Variants in PHF14 observed in about 807,000 individuals in gnomAD.
PHF14 encodes the protein PHD finger protein 14.
PHF14 carries 55 observed loss-of-function variants against 117.9 expected under a neutral mutation model. That is an observed-to-expected ratio of 0.47 (90% CI 0.38 to 0.58). The LOEUF (loss-of-function observed/expected upper bound fraction) is 0.58, where lower values mean the gene tolerates loss of function less well. Among genes scored for constraint, PHF14 ranks in the 20% least tolerant of loss-of-function variants. The pLI is 0.00. For missense variants in PHF14, 978 were observed against 1,122.2 expected (o/e 0.87, Z 1.84); for synonymous variants, 409 against 368.6 (o/e 1.11, Z -1.26).
At chr7:11,093,766 T>G (rs1786737634) in intron 16 of PHF14, among the ~76,000 whole-genome samples, 1 of 152,132 alleles carries the variant, frequency 6.6e-6, no homozygotes. Context: ...CCTTTTTCAT[T>G]GTTCTCTGCC....
intron 17 of PHF14, among the ~76,000 whole-genome samples, chr7:11,160,106 C>A (rs1438594460): frequency 6.6e-6 from 1 of 152,040 alleles, no homozygotes; most frequent in African/African-American, 2.4e-5. Context: ...TCTATTATTG[C>A]CATCTTCATG....
At chr7:11,133,358 A>G (rs1051462204) in intron 17 of PHF14, among the ~76,000 whole-genome samples, 11 of 151,990 alleles carry the variant, frequency 7.2e-5, no homozygotes, top group African/African-American at 2.2e-4. Flanking sequence ...CAAATAGGTC[A>G]ATGAAACAGA....
chr7:11,103,558 G>C, intron 16 of PHF14: 1 of 984,906 alleles, frequency 1.0e-6, no homozygotes, highest in Non-Finnish European at 1.2e-6. Context: ...AACTGATTTA[G>C]AAGAGACTCT....
intron 17 of PHF14, among the ~76,000 whole-genome samples, chr7:11,138,342 GA>G (rs1456856128): frequency 6.6e-6 from 1 of 151,496 alleles, no homozygotes; most frequent in Non-Finnish European, 1.5e-5. Context: ...CGCCTGGCCG[GA>G]AAAATATTTC....
At chr7:11,108,732 T>G (rs181285626) in intron 16 of PHF14, 111 of 151,852 alleles carry the variant, frequency 7.3e-4, no homozygotes, top group African/African-American at 2.6e-3. Flanking sequence ...CAGCAACAGA[T>G]TGGAACTGTG....
At chr7:11,061,632 G>C (rs758964766) in intron 14 of PHF14, 159 bp from the exon 15 acceptor site, 2 of 427,370 alleles carry the variant, frequency 4.7e-6, no homozygotes, top group Non-Finnish European at 8.3e-6. Flanking sequence ...TGGTAACAAA[G>C]TGCAGTAGTC....
In PHF14 at chr7:11,014,323, G is replaced by A. The variant is rs906272633; in HGVS notation, c.1205+417G>A. 2.0e-5 allele frequency among the ~76,000 whole-genome samples: 3 copies of A among 152,072 alleles called. No individual in the cohort carries two copies. The East Asian group carries it at 5.8e-4, about 29-fold the overall frequency. On this transcript the variant is annotated intron_variant, in intron 5 of 17. Transcript: ENST00000634607. ...ATACAGTGATTTAAAAAGAAGTTTA[G>A]TATAAAGAATTTTTAAGCTGTGATA...
intron 3 of PHF14, among the ~76,000 whole-genome samples, chr7:10,988,093 A>AT (rs2128309432): frequency 6.6e-6 from 1 of 151,692 alleles, no homozygotes; most frequent in African/African-American, 2.4e-5. Context: ...TGTTACTTAG[A>AT]TTTTCCAGTT....
chr7:11,101,639 A>G (rs924596221), intron 16 of PHF14, among the ~76,000 whole-genome samples: 28 of 151,904 alleles, frequency 1.8e-4, no homozygotes, highest in African/African-American at 6.8e-4. Context: ...TCAGTTTGGC[A>G]TGATAGCTCT....
chr7:11,147,739 C>G (rs189974985), intron 17 of PHF14, among the ~76,000 whole-genome samples: 118 of 152,214 alleles, frequency 7.8e-4, no homozygotes, highest in Non-Finnish European at 1.4e-3. Context: ...GTCATTGTGT[C>G]CCTTCTCTAT....
Position 11,169,272 on chromosome 7 carries a change from T to C in PHF14, c.2773-144T>C, listed in dbSNP as rs1789297334. 5 of 461,524 alleles carry C rather than the reference T, an allele frequency of 1.1e-5. No homozygotes were observed. The South Asian group carries it at 2.2e-4, about 20-fold the overall frequency. 28.6% of individuals were successfully genotyped at this position (461,524 alleles called of 1,614,324 possible). On this transcript the variant is annotated intron_variant, in intron 17 of 17. Transcript: ENST00000634607. ...ACAGCACCTATTGCAAATATTTAAA[T>C]GTTACATAATTTTACCATTTGTGTT...
At chr7:11,091,020 A>G (rs539450654) in intron 16 of PHF14, among the ~76,000 whole-genome samples, 1 of 152,322 alleles carries the variant, frequency 6.6e-6, no homozygotes, top group African/African-American at 2.4e-5. Context: ...AGTGCAAGCT[A>G]ATGATGTTAA....
At chr7:11,070,768 T>C (rs1421979701) in intron 16 of PHF14, among the ~76,000 whole-genome samples, 1 of 152,236 alleles carries the variant, frequency 6.6e-6, no homozygotes, top group Admixed American at 6.5e-5. Context: ...CATTTATTTC[T>C]AATGACCGTG....
chr7:11,109,098 C>T (rs4534044), intron 16 of PHF14: 1 of 151,426 alleles, frequency 6.6e-6, no homozygotes, highest in African/African-American at 2.4e-5. Context: ...AACTCAGTAG[C>T]AATTATCATT....
intron 4 of PHF14, 43 bp from the exon 5 acceptor site, chr7:11,013,704 C>T (rs1406025134): frequency 8.7e-7 from 1 of 1,148,454 alleles, no homozygotes; most frequent in Non-Finnish European, 1.2e-6. Flanking sequence ...GTGACTTTAA[C>T]AAAATAAACC....
chr7:11,105,068 C>T, intron 16 of PHF14: 1 of 916,840 alleles, frequency 1.1e-6, no homozygotes. Context: ...GGAAACAGCA[C>T]TATTTTAGAT....
chr7:11,111,743 A>G (rs1787454318), intron 17 of PHF14, among the ~76,000 whole-genome samples: 1 of 152,080 alleles, frequency 6.6e-6, no homozygotes, highest in East Asian at 1.9e-4. Context: ...GAAAGCCCAA[A>G]CAGATCACTC....
At chr7:10,986,533 C>G (rs1271783571) in intron 3 of PHF14, among the ~76,000 whole-genome samples, 1 of 152,192 alleles carries the variant, frequency 6.6e-6, no homozygotes, top group Non-Finnish European at 1.5e-5. Flanking sequence ...CTGGACCACA[C>G]CTTGAGAACT....
At chr7:11,155,437 G>A (rs1158965934) in intron 17 of PHF14, among the ~76,000 whole-genome samples, 1 of 152,146 alleles carries the variant, frequency 6.6e-6, no homozygotes, top group African/African-American at 2.4e-5. Flanking sequence ...ACCTTTCTGT[G>A]TTATTTTCCA....
Sources: gnomAD v4.1 joint callset for allele counts (sites outside exome capture counted in the v4.1 genomes callset) on GRCh38, gnomAD v4.1.1 for gene constraint, MANE v1.5 for transcripts, NCBI Gene and HGNC (gene_info 2026-07-23, HGNC 2026-07-21) for gene names.